The following SKI variants were observed in gnomAD, a reference collection of about 807,000 sequenced individuals.
The protein encoded by SKI is SKI proto-oncogene.
Under a neutral mutation model 59.3 loss-of-function variants are expected in SKI, and 23 were observed. That is an observed-to-expected ratio of 0.39 (90% CI 0.28 to 0.55). The LOEUF (loss-of-function observed/expected upper bound fraction) is 0.55. Ranked by LOEUF, SKI falls within the 20% of genes least tolerant of loss-of-function variation. The pLI, the probability that SKI is intolerant of heterozygous loss-of-function variation, is 0.67. For synonymous variants in SKI, 673 were observed against 488.6 expected (o/e 1.38, Z -4.98); for missense variants, 1,017 against 1,038.9 (o/e 0.98, Z 0.29).
chr1:2,249,315 C>T (rs1289400597), intron 1 of SKI, among the ~76,000 whole-genome samples: 1 of 152,204 alleles, frequency 6.6e-6, no homozygotes, highest in Non-Finnish European at 1.5e-5. Context: ...CAGGGTCCAG[C>T]GTGCAGGCCG....
At position 2,307,564 on chromosome 1, in the gene SKI, C is replaced by T. The variant is rs1569871333; in HGVS notation, c.*799C>T. On this transcript the variant is annotated 3_prime_UTR_variant, in exon 7 of 7. Transcript: ENST00000378536. ...GGGTGGTGACCGTGGCTGGCGGTCA[C>T]GCCCTCAGCCCCTCCGGGCACACGT... 2 of 152,430 alleles carry T rather than the reference C, an allele frequency of 1.3e-5. No individual in the cohort carries two copies. Among genetic ancestry groups the T allele is most frequent in the Admixed American group, 6.5e-5 (1 of 15,292 alleles). The allele number at this position is 152,430 out of a possible 1,614,324, so 9.4% of individuals were successfully genotyped here. A position where few individuals can be genotyped will look rare whatever the true frequency, so the allele number is the denominator to read the frequency against.
intron 1 of SKI, among the ~76,000 whole-genome samples, chr1:2,290,802 A>AC (rs935855756): frequency 2.0e-5 from 3 of 151,100 alleles, no homozygotes; most frequent in African/African-American, 7.3e-5. Context: ...ACGCATTGTC[A>AC]CCCCCTCCTG....
At chr1:2,239,033 T>C (rs56765029) in intron 1 of SKI, among the ~76,000 whole-genome samples, 19,100 of 152,176 alleles carry the variant, frequency 0.13, 2,248 homozygotes, top group East Asian at 0.6. Flanking sequence ...TGGCAGTGCC[T>C]TCGCTCTGCC....
chr1:2,259,204 T>C (rs1639333111), intron 1 of SKI, among the ~76,000 whole-genome samples: 1 of 152,204 alleles, frequency 6.6e-6, no homozygotes, highest in Non-Finnish European at 1.5e-5. Flanking sequence ...CCCTCGCCGG[T>C]GCTGTCTGTG....
chr1:2,284,203 C>T (rs892071158), intron 1 of SKI, among the ~76,000 whole-genome samples: 8 of 152,120 alleles, frequency 5.3e-5, no homozygotes, highest in East Asian at 1.9e-4. Context: ...CCCAACACAG[C>T]GTCCTCCCCG....
intron 1 of SKI, among the ~76,000 whole-genome samples, chr1:2,243,133 C>T (rs1011978485): frequency 3.3e-5 from 5 of 152,122 alleles, no homozygotes; most frequent in Non-Finnish European, 5.9e-5. Flanking sequence ...TTGGGCCAGC[C>T]CTGTGGTATT....
intron 1 of SKI, among the ~76,000 whole-genome samples, chr1:2,265,337 A>G (rs1446107499): frequency 1.3e-5 from 2 of 151,176 alleles, no homozygotes; most frequent in African/African-American, 4.9e-5. Context: ...TTTTTCCTCT[A>G]TTTCCCTGTG....
chr1:2,304,756 G>A (rs1479091405), intron 5 of SKI, among the ~76,000 whole-genome samples, 171 bp downstream of exon 5: 2 of 152,224 alleles, frequency 1.3e-5, no homozygotes, highest in African/African-American at 4.8e-5. Flanking sequence ...TCTCCCAAAA[G>A]CTGCAGCCCT....
intron 1 of SKI, among the ~76,000 whole-genome samples, chr1:2,230,855 G>C (rs1002917758): frequency 6.6e-6 from 1 of 152,140 alleles, no homozygotes; most frequent in African/African-American, 2.4e-5. Context: ...GCTCCAGCCC[G>C]GTTTTCTCTG....
intron 1 of SKI, among the ~76,000 whole-genome samples, chr1:2,247,279 G>A (rs1485664558): frequency 6.6e-6 from 1 of 152,004 alleles, no homozygotes; most frequent in African/African-American, 2.4e-5. Context: ...GTGCATGGGT[G>A]TGTGCAGCTG....
chr1:2,279,839 C>G (rs374447911), intron 1 of SKI, among the ~76,000 whole-genome samples: 144 of 152,326 alleles, frequency 9.5e-4, no homozygotes, highest in African/African-American at 3.3e-3. Context: ...CAGCAGTGAG[C>G]CAGTGTGCCC....
chr1:2,232,260 C>T (rs1368810692), intron 1 of SKI, among the ~76,000 whole-genome samples: 1 of 152,262 alleles, frequency 6.6e-6, no homozygotes, highest in Non-Finnish European at 1.5e-5. Context: ...TGCAGGGCTG[C>T]TGCTCCCAGC....
chr1:2,236,802 T>C (rs1162657496), intron 1 of SKI, among the ~76,000 whole-genome samples: 1 of 152,160 alleles, frequency 6.6e-6, no homozygotes, highest in Non-Finnish European at 1.5e-5. Context: ...TGCTGGAATA[T>C]TATTACCCTT....
At chr1:2,249,350 G>A (rs897861577) in intron 1 of SKI, among the ~76,000 whole-genome samples, 3 of 152,226 alleles carry the variant, frequency 2.0e-5, no homozygotes, top group African/African-American at 4.8e-5. Flanking sequence ...TGCCGGCCAC[G>A]CAGACAGCCG....
At chr1:2,264,200 A>G (rs1314652997) in intron 1 of SKI, among the ~76,000 whole-genome samples, 1 of 152,126 alleles carries the variant, frequency 6.6e-6, no homozygotes, top group Non-Finnish European at 1.5e-5. Flanking sequence ...TTGTTTCTGA[A>G]AGGTATTTGC....
chr1:2,267,765 C>G lies in SKI; in HGVS notation c.970-35213C>G, dbSNP rs1639530732. Among the ~76,000 whole-genome samples the G allele has an allele frequency of 6.6e-6, 1 of 152,226 alleles. No individual in the cohort carries two copies. The highest frequency in any genetic ancestry group is 2.4e-5 in the African/African-American group (1 of 41,442). On this transcript the variant is annotated intron_variant, in intron 1 of 6. Transcript: ENST00000378536. The surrounding 1 kb of genome is among the most constrained non-coding windows in gnomAD (Gnocchi z 4.1). ...GTGTGAGGCTGATGCATGGGCCTTT[C>G]TACTTCCAGACTGTCCCAGGACACG...
chr1:2,261,253 C>T (rs1639381337), intron 1 of SKI, among the ~76,000 whole-genome samples: 1 of 152,274 alleles, frequency 6.6e-6, no homozygotes, highest in South Asian at 2.1e-4. Context: ...AGAGCTGTTA[C>T]AGCTATTCGG....
At chr1:2,279,741 G>T (rs1416758214) in intron 1 of SKI, among the ~76,000 whole-genome samples, 4 of 152,170 alleles carry the variant, frequency 2.6e-5, no homozygotes, top group African/African-American at 9.7e-5. Flanking sequence ...TAGAGACAGG[G>T]TCTCACTCTG....
chr1:2,229,814 C>G lies in SKI; in HGVS notation c.969+79C>G. 2 of 1,546,682 alleles carry G rather than the reference C, an allele frequency of 1.3e-6. No homozygotes were observed. The highest frequency in any genetic ancestry group is 1.7e-4 in the Middle Eastern group (1 of 5,884). On this transcript the variant is annotated intron_variant, in intron 1 of 6. Transcript: ENST00000378536. The surrounding 1 kb of genome is among the most constrained non-coding windows in gnomAD (Gnocchi z 6.3). Reference sequence around the variant, plus strand: ...CTTCTGGACTACAGGCTCTGGTCTCCGAAGGCTGGGACCTGTGCTTCTGCC... The same window carrying G: ...CTTCTGGACTACAGGCTCTGGTCTCGGAAGGCTGGGACCTGTGCTTCTGCC...
Sources: allele counts gnomAD v4.1 joint callset (sites outside exome capture counted in the v4.1 genomes callset), GRCh38; gene constraint gnomAD v4.1.1; non-coding constraint Gnocchi (gnomAD v3.1); transcripts MANE v1.5; gene names NCBI Gene and HGNC (gene_info 2026-07-23, HGNC 2026-07-21).